NIBAN1: variants seen among roughly 807,000 people sequenced by gnomAD.
NIBAN1 encodes protein Niban 1.
In NIBAN1, 81 loss-of-function variants were observed where a neutral mutation model predicts 75.1. The observed-to-expected ratio is 1.08, with a 90% confidence interval of 0.90 to 1.30. The LOEUF (loss-of-function observed/expected upper bound fraction) is 1.30, where lower values mean the gene tolerates loss of function less well. Ranked by LOEUF, NIBAN1 falls within the 50% of genes most tolerant of loss-of-function variation. NIBAN1 has a pLI of 0.00. For synonymous variants in NIBAN1, 436 were observed against 424.8 expected, an observed-to-expected ratio of 1.03 and a Z score of -0.32; for missense variants, 1,133 against 1,128.1, an observed-to-expected ratio of 1.00 and a Z score of -0.06.
intron 5 of NIBAN1, chr1:184,867,748 G>A (rs1031124040): frequency 6.5e-5 from 32 of 494,818 alleles, no homozygotes; most frequent in Admixed American, 2.5e-4. Flanking sequence ...ACTCTCCTCT[G>A]TTAACTGAGT....
intron 5 of NIBAN1, among the ~76,000 whole-genome samples, chr1:184,860,980 G>C (rs978803135): frequency 6.6e-6 from 1 of 152,198 alleles, no homozygotes; most frequent in African/African-American, 2.4e-5. Context: ...TACCTGAAAA[G>C]GCATGGATCA....
chr1:184,877,749 TA>T (rs1272615929), intron 5 of NIBAN1, among the ~76,000 whole-genome samples: 1 of 152,166 alleles, frequency 6.6e-6, no homozygotes, highest in East Asian at 1.9e-4. Context: ...GTCATTCTAA[TA>T]AGTATGTTTC....
intron 1 of NIBAN1, among the ~76,000 whole-genome samples, chr1:184,972,232 A>G (rs187725788): frequency 4.8e-4 from 73 of 152,366 alleles, no homozygotes; most frequent in African/African-American, 1.7e-3. Context: ...GAAACAGGTC[A>G]TAAAAGTATA....
At position 184,896,728 on chromosome 1, in the gene NIBAN1, G is replaced by C. The variant is rs138450554; in HGVS notation, c.186+2451C>G. Among the ~76,000 whole-genome samples, 5 of 152,214 alleles carry C rather than the reference G, an allele frequency of 3.3e-5. No homozygotes were observed. The East Asian group carries it at 9.6e-4, about 29-fold the overall frequency. ...TGAAGTTAATTTTTGTATATAATGAGAGATAGGGGTCCAGTTTCATTCTTC... is the reference window on the plus strand; with the variant it reads ...TGAAGTTAATTTTTGTATATAATGACAGATAGGGGTCCAGTTTCATTCTTC... On this transcript the variant is annotated intron_variant, in intron 2 of 13. Coordinates refer to ENST00000367511, the MANE Select transcript of NIBAN1 (RefSeq NM_052966.4).
At chr1:184,972,347 T>C (rs1265844462) in intron 1 of NIBAN1, among the ~76,000 whole-genome samples, 2 of 152,238 alleles carry the variant, frequency 1.3e-5, no homozygotes, top group East Asian at 1.9e-4. Context: ...GATAGGGCTA[T>C]GATTTTACTC....
intron 1 of NIBAN1, among the ~76,000 whole-genome samples, chr1:184,951,786 A>G (rs1195981800): frequency 6.6e-6 from 1 of 152,116 alleles, no homozygotes; most frequent in Non-Finnish European, 1.5e-5. Flanking sequence ...TTCTCTTCTT[A>G]CACAGAGTAA....
intron 5 of NIBAN1, among the ~76,000 whole-genome samples, chr1:184,859,746 T>C (rs554019991): frequency 6.6e-6 from 1 of 152,284 alleles, no homozygotes; most frequent in Admixed American, 6.5e-5. Flanking sequence ...CCTTGCTGGT[T>C]CGCTCTGCCA....
chr1:184,967,722 C>A lies in NIBAN1; in HGVS notation c.55+6580G>T, dbSNP rs72739658. ...GATGATGTGGCCCTCTTACAGCCAA[C>A]GTCCATAGTAAAAAGAAGTTTTTCA... On this transcript the variant is annotated intron_variant, in intron 1 of 13. Transcript: ENST00000367511. 8.0e-3 allele frequency among the ~76,000 whole-genome samples: 1,225 copies of A among 152,242 alleles called. 6 individuals carry two copies. The highest frequency in any genetic ancestry group is 0.014 in the Middle Eastern group (4 of 294).
rs1656880966 is a variant in NIBAN1, at chr1:184,899,182, G to T, written c.183C>A (p.Thr61=). The T allele has an allele frequency of 9.3e-6, 15 of 1,613,494 alleles. No individual in the cohort carries two copies. Among genetic ancestry groups the T allele is most frequent in the African/African-American group, 1.3e-5 (1 of 74,848 alleles). The change falls in exon 2 of 14, where the codon ACC becomes ACA. Residue 61 remains threonine, a synonymous_variant. Transcript: ENST00000367511. ...QRDLTSQFLK[T]KPPLAPGTIL... ...AAACCAAATATCCATGGCTTACCTT[G>T]GTCTTCAAAAACTGTGACGTTAAAT...
intron 9 of NIBAN1, among the ~76,000 whole-genome samples, chr1:184,814,222 A>G (rs1193569212): frequency 2.0e-5 from 3 of 152,220 alleles, no homozygotes; most frequent in African/African-American, 7.2e-5. Flanking sequence ...CCTAAATTGG[A>G]CATGGGAATA....
intron 2 of NIBAN1, 84 bp from the exon 3 acceptor site, chr1:184,894,290 A>C: frequency 2.9e-6 from 4 of 1,398,164 alleles, no homozygotes; most frequent in Non-Finnish European, 3.8e-6. Context: ...TATTTCAAGG[A>C]ATAGTTTAGG....
intron 1 of NIBAN1, among the ~76,000 whole-genome samples, chr1:184,957,229 G>A (rs532364150): frequency 1.8e-4 from 28 of 152,336 alleles, no homozygotes; most frequent in Admixed American, 1.0e-3. Context: ...ACCATTCCGA[G>A]AAGGGTGTCT....
intron 5 of NIBAN1, among the ~76,000 whole-genome samples, chr1:184,881,294 T>C (rs890366850): frequency 6.6e-6 from 1 of 152,062 alleles, no homozygotes; most frequent in Non-Finnish European, 1.5e-5. Context: ...CAGGGTTAAA[T>C]AGGAAACGCC....
chr1:184,806,159 G>A (rs1654193144), intron 10 of NIBAN1, 103 bp from the exon 11 acceptor site: 5 of 806,510 alleles, frequency 6.2e-6, no homozygotes, highest in Non-Finnish European at 1.0e-5. Flanking sequence ...CATCAGAGAT[G>A]AGTCCCCTCG....
chr1:184,963,017 AT>A (rs921101961), intron 1 of NIBAN1, among the ~76,000 whole-genome samples: 17 of 151,930 alleles, frequency 1.1e-4, no homozygotes, highest in African/African-American at 3.1e-4. Context: ...CCCCCAATAA[AT>A]TTTTTTTCAT....
intron 8 of NIBAN1, among the ~76,000 whole-genome samples, chr1:184,820,017 A>G (rs988384169): frequency 6.6e-6 from 1 of 152,220 alleles, no homozygotes; most frequent in African/African-American, 2.4e-5. Flanking sequence ...TTAATATTAC[A>G]AATCACTCAG....
chr1:184,945,860 G>C (rs1238614064), intron 1 of NIBAN1, among the ~76,000 whole-genome samples: 3 of 152,150 alleles, frequency 2.0e-5, no homozygotes, highest in Admixed American at 2.0e-4. Context: ...CGTTCTGAAT[G>C]AGAGTCAAAT....
intron 6 of NIBAN1, among the ~76,000 whole-genome samples, chr1:184,829,461 A>ACTCTTTTTTTTTTTTT: frequency 1.2e-5 from 1 of 84,022 alleles, no homozygotes. Flanking sequence ...AAATACATAT[A>ACTCTTTTTTTTTTTTT]TTCTTTTTTT....
chr1:184,940,373 A>G (rs12077964), intron 1 of NIBAN1, among the ~76,000 whole-genome samples: 27,905 of 152,104 alleles, frequency 0.18, 2,843 homozygotes, highest in East Asian at 0.39. Context: ...TAGTAAATAA[A>G]TTCCTCCAAA....
Sources: allele counts gnomAD v4.1 joint callset (sites outside exome capture counted in the v4.1 genomes callset), GRCh38; gene constraint gnomAD v4.1.1; transcripts MANE v1.5; gene names NCBI Gene and HGNC (gene_info 2026-07-23, HGNC 2026-07-21).